Variants in ANKRD45 observed in about 807,000 individuals in gnomAD.
ANKRD45 encodes ankyrin repeat domain-containing protein 45.
In ANKRD45, 21 loss-of-function variants were observed where a neutral mutation model predicts 28.1. That is an observed-to-expected ratio of 0.75 (90% CI 0.53 to 1.08). The LOEUF (loss-of-function observed/expected upper bound fraction) is 1.08. ANKRD45 is among the 50% of genes least tolerant of loss of function. ANKRD45 has a pLI of 0.00. For synonymous variants in ANKRD45, 86 were observed against 103.9 expected (o/e 0.83, Z 1.05); for missense variants, 261 against 308.7 (o/e 0.85, Z 1.16).
chr1:173,673,620 T>G (rs1340532595), upstream of ANKRD45, among the ~76,000 whole-genome samples: 1 of 148,866 alleles, frequency 6.7e-6, no homozygotes, highest in Non-Finnish European at 1.5e-5. Context: ...TAAGTTGCTA[T>G]AAGAAAGTGA....
At chr1:173,674,807 T>C (rs1670358393), upstream of ANKRD45, among the ~76,000 whole-genome samples, 1 of 152,222 alleles carries the variant, frequency 6.6e-6, no homozygotes, top group Non-Finnish European at 1.5e-5. Flanking sequence ...GACTTTTCCC[T>C]TTAGCTTAGT....
intron 2 of ANKRD45, among the ~76,000 whole-genome samples, chr1:173,652,336 T>A (rs1669268946): frequency 6.6e-6 from 1 of 152,202 alleles, no homozygotes; most frequent in Non-Finnish European, 1.5e-5. Context: ...AGGCCTTTTC[T>A]GTATCTGTTG....
intron 5 of ANKRD45, among the ~76,000 whole-genome samples, chr1:173,613,883 AAAG>A (rs1667342921): frequency 6.6e-6 from 1 of 152,232 alleles, no homozygotes; most frequent in African/African-American, 2.4e-5. Flanking sequence ...GTCTGTGTAG[AAAG>A]AAGTAGACAT....
chr1:173,703,673 T>A, the ANKRD45 span, among the ~76,000 whole-genome samples: 1 of 152,242 alleles, frequency 6.6e-6, no homozygotes, highest in African/African-American at 2.4e-5. Flanking sequence ...GGTTTCCCAA[T>A]GTTCTTGCCC....
At chr1:173,668,457 G>A (rs1319718494) in intron 1 of ANKRD45, among the ~76,000 whole-genome samples, 1 of 152,116 alleles carries the variant, frequency 6.6e-6, no homozygotes, top group Non-Finnish European at 1.5e-5. Context: ...AAGCCATAGG[G>A]CAGGGAGCAC....
intron 5 of ANKRD45, among the ~76,000 whole-genome samples, chr1:173,622,678 A>C (rs1667755031): frequency 6.6e-6 from 1 of 152,228 alleles, no homozygotes; most frequent in Non-Finnish European, 1.5e-5. Flanking sequence ...AAAGACTTAA[A>C]TGTAAAACCC....
the ANKRD45 span, among the ~76,000 whole-genome samples, chr1:173,674,968 C>T: frequency 1.3e-5 from 2 of 151,846 alleles, no homozygotes; most frequent in Admixed American, 6.6e-5. Flanking sequence ...TGGTAGGTCC[C>T]AAGTTATTAG....
chr1:173,690,526 T>C, the ANKRD45 span, among the ~76,000 whole-genome samples: 2 of 152,170 alleles, frequency 1.3e-5, no homozygotes, highest in African/African-American at 2.4e-5. Flanking sequence ...CTAGTTCTTC[T>C]TGAGATACTG....
chr1:173,693,195 G>A, the ANKRD45 span, among the ~76,000 whole-genome samples: 1 of 151,992 alleles, frequency 6.6e-6, no homozygotes, highest in Non-Finnish European at 1.5e-5. Flanking sequence ...AGCTACTTGG[G>A]AGGCTGAGGC....
At chr1:173,692,358 T>G in the ANKRD45 span, among the ~76,000 whole-genome samples, 5 of 152,048 alleles carry the variant, frequency 3.3e-5, no homozygotes, top group Non-Finnish European at 7.4e-5. Context: ...CAACTCAAAG[T>G]GGGGAGGGAG....
the ANKRD45 span, among the ~76,000 whole-genome samples, chr1:173,688,334 CTCTT>C: frequency 6.9e-6 from 1 of 144,150 alleles, no homozygotes; most frequent in East Asian, 2.1e-4. Flanking sequence ...CTCTGACTCC[CTCTT>C]TCTCTCTCTG....
the ANKRD45 span, among the ~76,000 whole-genome samples, chr1:173,710,605 T>C: frequency 3.9e-5 from 6 of 152,188 alleles, no homozygotes; most frequent in African/African-American, 1.4e-4. Context: ...CTTCCCATTC[T>C]GGTGGAATGC....
chr1:173,685,624 C>G, the ANKRD45 span, among the ~76,000 whole-genome samples: 1 of 152,142 alleles, frequency 6.6e-6, no homozygotes, highest in Non-Finnish European at 1.5e-5. Flanking sequence ...TTAAGTCTAA[C>G]TCCTATGATA....
At chr1:173,711,059 T>A in the ANKRD45 span, among the ~76,000 whole-genome samples, 3 of 151,986 alleles carry the variant, frequency 2.0e-5, no homozygotes, top group African/African-American at 4.8e-5. Flanking sequence ...GCCCTGTGGG[T>A]CTCACCTACA....
the ANKRD45 span, among the ~76,000 whole-genome samples, chr1:173,687,805 A>T: frequency 5.9e-5 from 9 of 152,188 alleles, no homozygotes; most frequent in East Asian, 1.7e-3. Context: ...GAGTTTCCTT[A>T]TCACTTACTG....
chr1:173,621,039 A>G (rs1307865337), intron 5 of ANKRD45, among the ~76,000 whole-genome samples: 1 of 152,222 alleles, frequency 6.6e-6, no homozygotes, highest in African/African-American at 2.4e-5. Flanking sequence ...CTATGAACAT[A>G]AAGTAGAAAA....
At chr1:173,624,221 G>A (rs1002517073) in intron 5 of ANKRD45, among the ~76,000 whole-genome samples, 11 of 152,138 alleles carry the variant, frequency 7.2e-5, no homozygotes, top group African/African-American at 2.7e-4. Context: ...GGCCCAGTGT[G>A]GTGGCTCACA....
chr1:173,698,991 T>C, the ANKRD45 span, among the ~76,000 whole-genome samples: 1 of 150,964 alleles, frequency 6.6e-6, no homozygotes, highest in East Asian at 1.9e-4. Flanking sequence ...AAAAAGGATA[T>C]CACCACCGAT....
intron 3 of ANKRD45, among the ~76,000 whole-genome samples, chr1:173,635,091 T>C (rs563361837): frequency 1.3e-5 from 2 of 152,142 alleles, no homozygotes; most frequent in African/African-American, 2.4e-5. Flanking sequence ...AATATGACTA[T>C]AGTTGAATTT....
Sources: gnomAD v4.1 joint callset for allele counts (sites outside exome capture counted in the v4.1 genomes callset) on GRCh38, gnomAD v4.1.1 for gene constraint, MANE v1.5 for transcripts, NCBI Gene and HGNC (gene_info 2026-07-23, HGNC 2026-07-21) for gene names.